MICAL3: variants seen among roughly 807,000 people sequenced by gnomAD.
The protein encoded by MICAL3 is [F-actin]-monooxygenase MICAL3.
A neutral mutation model predicts 207.4 loss-of-function variants in MICAL3; 62 were observed. That is an observed-to-expected ratio of 0.30 (90% CI 0.24 to 0.37). MICAL3 has a LOEUF of 0.37. MICAL3 is among the 10% of genes least tolerant of loss of function. MICAL3 has a pLI of 1.00. For synonymous variants in MICAL3, 1,077 were observed against 1,069.3 expected (o/e 1.01, Z -0.14); for missense variants, 2,368 against 2,635.6 (o/e 0.90, Z 2.22).
At chr22:17,887,832 C>A (rs147818218) in intron 13 of MICAL3, among the ~76,000 whole-genome samples, 1 of 152,156 alleles carries the variant, frequency 6.6e-6, no homozygotes, top group Non-Finnish European at 1.5e-5. Context: ...GCGATGAACT[C>A]AGGGTTCCTG....
rs1004545047 is a variant in MICAL3 at position 17,796,394 on chromosome 22, A to T, written c.5651-5093T>A. 1.3e-5 allele frequency among the ~76,000 whole-genome samples: 2 copies of T among 152,234 alleles called. No homozygotes were observed. The highest frequency in any genetic ancestry group is 2.4e-5 in the African/African-American group (1 of 41,460). On this transcript the variant is annotated intron_variant, in intron 29 of 31. Transcript: ENST00000441493. The surrounding 1 kb of genome is among the most constrained non-coding windows in gnomAD (Gnocchi z 4.4). ...AGAGCAGCGCATGAGATGGGCACGG[A>T]TGGCACTCTCCGGCTTCAGGGCGCC...
At chr22:17,799,363 G>T (rs1406338012) in intron 29 of MICAL3, among the ~76,000 whole-genome samples, 1 of 152,222 alleles carries the variant, frequency 6.6e-6, no homozygotes, top group Non-Finnish European at 1.5e-5. Flanking sequence ...TCCAGCCCGG[G>T]TGACAGAGCC....
At chr22:17,940,153 T>A (rs1351388580) in intron 1 of MICAL3, among the ~76,000 whole-genome samples, 1 of 152,252 alleles carries the variant, frequency 6.6e-6, no homozygotes, top group Non-Finnish European at 1.5e-5. Flanking sequence ...CAATCAATTG[T>A]CATTTTACTA....
At chr22:17,995,618 A>G (rs571265438) in intron 1 of MICAL3, among the ~76,000 whole-genome samples, 2 of 143,782 alleles carry the variant, frequency 1.4e-5, no homozygotes, top group South Asian at 4.3e-4. Context: ...TGATCCACCT[A>G]CCTCATCCTC....
chr22:17,915,461 T>C (rs1326386492), intron 1 of MICAL3, among the ~76,000 whole-genome samples: 2 of 152,098 alleles, frequency 1.3e-5, no homozygotes, highest in African/African-American at 2.4e-5. Flanking sequence ...GGAGAACTTG[T>C]GGGAAACATG....
chr22:17,852,633 T>C (rs1182505310), intron 19 of MICAL3, among the ~76,000 whole-genome samples: 3 of 152,114 alleles, frequency 2.0e-5, no homozygotes, highest in Non-Finnish European at 4.4e-5. Flanking sequence ...TACCCTCCTT[T>C]CCTCCAAAGG....
chr22:17,889,702 G>A (rs1042502317), intron 12 of MICAL3, among the ~76,000 whole-genome samples: 1 of 152,132 alleles, frequency 6.6e-6, no homozygotes, highest in Admixed American at 6.5e-5. Context: ...AGCTACTTGG[G>A]AGGCTGAGGC....
chr22:17,889,623 T>A (rs1460466784), intron 12 of MICAL3, among the ~76,000 whole-genome samples: 1 of 152,140 alleles, frequency 6.6e-6, no homozygotes, highest in Admixed American at 6.5e-5. Context: ...GCCCAGGAGT[T>A]CAATTTAAAT....
In MICAL3 at chr22:17,799,996, C is replaced by T. The variant is rs188329675; in HGVS notation, c.5651-8695G>A. On this transcript the variant is annotated intron_variant, in intron 29 of 31. Transcript: ENST00000441493. ...CACACACACACACGCGTTGGGAAAC[C>T]TCGCAGGTTCCAAAGTTCCTAAGCA... Among the ~76,000 whole-genome samples the T allele has an allele frequency of 6.0e-5, 9 of 151,160 alleles. No homozygotes were observed. The East Asian group carries it at 1.6e-3, about 26-fold the overall frequency.
intron 7 of MICAL3, 144 bp from the exon 8 acceptor site, chr22:17,897,125 G>A: frequency 1.2e-6 from 1 of 854,622 alleles, no homozygotes; most frequent in Non-Finnish European, 1.8e-6. Flanking sequence ...CCATTAAAAT[G>A]GGCGGGGGGA....
intron 22 of MICAL3, chr22:17,826,642 G>A (rs991556532): frequency 6.9e-6 from 2 of 287,794 alleles, no homozygotes; most frequent in Non-Finnish European, 1.0e-5. Context: ...ACAGACGCCT[G>A]TCTGGCACCA....
At chr22:17,865,815 A>G in intron 18 of MICAL3, 109 bp downstream of exon 18, 1 of 850,566 alleles carries the variant, frequency 1.2e-6, no homozygotes, top group Middle Eastern at 2.9e-4. Context: ...CCCCGTTCCC[A>G]GGAGAGGCAA....
In MICAL3 at chr22:17,871,844, G is replaced by A. The variant is rs563733769; in HGVS notation, c.2421C>T (p.Ile807=). The A allele has an allele frequency of 8.2e-5, 131 of 1,604,172 alleles. 1 individual carries two copies. Among genetic ancestry groups the A allele is most frequent in the South Asian group, 4.5e-4 (40 of 88,702 alleles). The stretch of plus-strand genomic sequence containing the variant: ...AGGCGCAGGGTGTCTCACCATCCTC[G>A]ATGTCGTAGGCGTAGGCCGAGAGGC... ...TLRLSAYAYD[I]EDGKFYCKPH... is the part of the protein sequence containing the mutation. Residue 807 remains isoleucine, a synonymous_variant, in exon 17 of 32, where the codon ATC becomes ATT. Coordinates refer to ENST00000441493, the MANE Select transcript of MICAL3 (RefSeq NM_015241.3).
Position 17,820,165 on chromosome 22 carries a change from G to C in MICAL3, c.3532-1036C>G, listed in dbSNP as rs149799298. Among the ~76,000 whole-genome samples the C allele has an allele frequency of 1.5e-3, 221 of 148,804 alleles. 1 individual carries two copies. The highest frequency in any genetic ancestry group is 3.5e-3 in the Middle Eastern group (1 of 284). ...CTCAAAAAAAAAAAAAAAAATCACT[G>C]AATAGTTCCATGCTTCCTAGAATCC... On this transcript the variant is annotated intron_variant, in intron 25 of 31. Coordinates refer to ENST00000441493, the MANE Select transcript of MICAL3 (RefSeq NM_015241.3).
intron 2 of MICAL3, among the ~76,000 whole-genome samples, 190 bp downstream of exon 2, chr22:17,906,359 C>T (rs1931718567): frequency 6.6e-6 from 1 of 152,196 alleles, no homozygotes; most frequent in South Asian, 2.1e-4. Flanking sequence ...CTCACTCAGC[C>T]TACCTCTAAC....
intron 19 of MICAL3, chr22:17,863,298 C>T: frequency 1.0e-6 from 1 of 985,452 alleles, no homozygotes; most frequent in Non-Finnish European, 1.2e-6. Flanking sequence ...AGTTGTTCTA[C>T]TGAGTAGTCA....
At chr22:17,827,927 A>C (rs1922370037) in intron 21 of MICAL3, 146 bp from the exon 22 acceptor site, 1 of 688,490 alleles carries the variant, frequency 1.5e-6, no homozygotes, top group Non-Finnish European at 2.4e-6. Context: ...ACATGTATGC[A>C]CATGTATACA....
At chr22:17,915,938 A>C (rs1315562856) in intron 1 of MICAL3, among the ~76,000 whole-genome samples, 3 of 151,804 alleles carry the variant, frequency 2.0e-5, no homozygotes, top group African/African-American at 7.2e-5. Context: ...AAAAAATTAA[A>C]AAATTAGCCA....
intron 1 of MICAL3, among the ~76,000 whole-genome samples, chr22:18,011,361 G>A (rs767061038): frequency 5.3e-5 from 8 of 151,196 alleles, no homozygotes; most frequent in South Asian, 2.1e-4. Flanking sequence ...CCTGATCAAC[G>A]TGGTGAAACC....
Sources: gnomAD v4.1 joint callset for allele counts (sites outside exome capture counted in the v4.1 genomes callset) on GRCh38, gnomAD v4.1.1 for gene constraint, Gnocchi (gnomAD v3.1) non-coding constraint, MANE v1.5 for transcripts, NCBI Gene and HGNC (gene_info 2026-07-23, HGNC 2026-07-21) for gene names.